Variants in PTPRG observed in about 807,000 individuals in gnomAD.
PTPRG encodes the protein receptor-type tyrosine-protein phosphatase gamma.
PTPRG carries 102 observed loss-of-function variants against 165.3 expected under a neutral mutation model. That is an observed-to-expected ratio of 0.62 (90% CI 0.53 to 0.73). The LOEUF (loss-of-function observed/expected upper bound fraction) is 0.73, where lower values mean the gene tolerates loss of function less well. PTPRG is among the 30% of genes least tolerant of loss of function. The pLI is 0.00. For missense variants in PTPRG, 1,866 were observed against 1,861.4 expected, an observed-to-expected ratio of 1.00 and a Z score of -0.05; for synonymous variants, 675 against 669.5, an observed-to-expected ratio of 1.01 and a Z score of -0.13.
chr3:62,067,458 G>A (rs1701055172), intron 4 of PTPRG, among the ~76,000 whole-genome samples: 1 of 152,068 alleles, frequency 6.6e-6, no homozygotes, highest in South Asian at 2.1e-4. Context: ...GTCCATGGTG[G>A]CGATGGTTTC....
intron 4 of PTPRG, among the ~76,000 whole-genome samples, chr3:62,067,124 G>A (rs867933693): frequency 5.3e-5 from 8 of 151,784 alleles, no homozygotes; most frequent in South Asian, 4.2e-4. Context: ...TCAAGGTTCA[G>A]TAGTGGTGTG....
chr3:62,032,019 C>T (rs1014167158), intron 4 of PTPRG, among the ~76,000 whole-genome samples: 2 of 152,146 alleles, frequency 1.3e-5, no homozygotes, highest in Non-Finnish European at 2.9e-5. Flanking sequence ...ATTTGAGAGG[C>T]ATTAATATGC....
intron 2 of PTPRG, among the ~76,000 whole-genome samples, chr3:61,927,780 C>CT (rs1188345873): frequency 6.6e-6 from 1 of 152,166 alleles, no homozygotes; most frequent in Non-Finnish European, 1.5e-5. Context: ...CATTTCTATG[C>CT]TTTATGAATA....
At chr3:62,069,558 A>G (rs1197121908) in intron 4 of PTPRG, among the ~76,000 whole-genome samples, 1 of 151,730 alleles carries the variant, frequency 6.6e-6, no homozygotes, top group East Asian at 2.0e-4. Flanking sequence ...ATACCTGTGT[A>G]TGTTTGCTTA....
intron 4 of PTPRG, among the ~76,000 whole-genome samples, chr3:62,012,032 A>G (rs1001793198): frequency 1.5e-4 from 23 of 152,274 alleles, no homozygotes; most frequent in African/African-American, 5.5e-4. Flanking sequence ...AACCATATAG[A>G]AGGCTTAGGG....
intron 4 of PTPRG, among the ~76,000 whole-genome samples, chr3:62,023,312 A>G (rs906268952): frequency 6.6e-6 from 1 of 152,196 alleles, no homozygotes; most frequent in Non-Finnish European, 1.5e-5. Flanking sequence ...CAAAGATAGA[A>G]TTAATCAAAA....
At chr3:61,809,553 G>T (rs931885691) in intron 2 of PTPRG, among the ~76,000 whole-genome samples, 1 of 152,088 alleles carries the variant, frequency 6.6e-6, no homozygotes, top group African/African-American at 2.4e-5. Flanking sequence ...TTACATTTGA[G>T]TTCTGATCCT....
intron 2 of PTPRG, among the ~76,000 whole-genome samples, chr3:61,884,120 A>G (rs13071020): frequency 7.6e-4 from 116 of 151,820 alleles, no homozygotes; most frequent in Non-Finnish European, 1.4e-3. Context: ...TTTCTTCTTG[A>G]CTCTGCTAAA....
intron 14 of PTPRG, among the ~76,000 whole-genome samples, chr3:62,232,532 G>A (rs1700926667): frequency 6.6e-6 from 1 of 152,172 alleles, no homozygotes; most frequent in Non-Finnish European, 1.5e-5. Flanking sequence ...TTATAAATAT[G>A]TTGTGTTTTT....
At chr3:61,678,070 A>G (rs940815792) in intron 1 of PTPRG, among the ~76,000 whole-genome samples, 2 of 152,214 alleles carry the variant, frequency 1.3e-5, no homozygotes, top group Non-Finnish European at 2.9e-5. Flanking sequence ...TTTTATCATC[A>G]TTAGACAAAC....
At chr3:61,571,878 G>C (rs924638352) in intron 1 of PTPRG, among the ~76,000 whole-genome samples, 2 of 152,200 alleles carry the variant, frequency 1.3e-5, no homozygotes, top group African/African-American at 4.8e-5. Flanking sequence ...TTTGGAACTA[G>C]CCATGGGAGC....
chr3:62,200,601 C>T (rs1700075041), intron 10 of PTPRG, among the ~76,000 whole-genome samples: 1 of 152,042 alleles, frequency 6.6e-6, no homozygotes, highest in Non-Finnish European at 1.5e-5. Context: ...TAAATTCTGT[C>T]ATGTATTTTA....
intron 8 of PTPRG, among the ~76,000 whole-genome samples, chr3:62,176,050 G>A (rs1403918910): frequency 6.6e-6 from 1 of 150,834 alleles, no homozygotes; most frequent in Non-Finnish European, 1.5e-5. Context: ...AGAGGACTCT[G>A]GAATAATCAC....
chr3:61,750,718 G>A (rs1443454247), intron 2 of PTPRG: 1 of 152,154 alleles, frequency 6.6e-6, no homozygotes, highest in African/African-American at 2.4e-5. Flanking sequence ...CAGACTGGCT[G>A]TGCTCTGATA....
At chr3:61,994,840 T>C (rs2040981671) in intron 3 of PTPRG, among the ~76,000 whole-genome samples, 1 of 152,198 alleles carries the variant, frequency 6.6e-6, no homozygotes, top group Non-Finnish European at 1.5e-5. Flanking sequence ...GCTCTGCTGC[T>C]CTGCTCAGAC....
intron 4 of PTPRG, among the ~76,000 whole-genome samples, chr3:62,076,379 G>A (rs1016370639): frequency 7.2e-5 from 11 of 152,158 alleles, no homozygotes; most frequent in Admixed American, 2.0e-4. Context: ...TATACACTAC[G>A]TTAACTTATT....
At chr3:62,171,902 T>A (rs1705231222) in intron 8 of PTPRG, among the ~76,000 whole-genome samples, 1 of 152,150 alleles carries the variant, frequency 6.6e-6, no homozygotes, top group Non-Finnish European at 1.5e-5. Flanking sequence ...TCCCTTCGTC[T>A]GCCCTGTATG....
At chr3:61,650,302 T>C (rs1559540266) in intron 1 of PTPRG, among the ~76,000 whole-genome samples, 1 of 152,136 alleles carries the variant, frequency 6.6e-6, no homozygotes, top group Non-Finnish European at 1.5e-5. Flanking sequence ...CAGCGAGGTA[T>C]TACAGAATCT....
At chr3:61,563,144 C>A (rs1319982942) in intron 1 of PTPRG, among the ~76,000 whole-genome samples, 1 of 15,804 alleles carries the variant, frequency 6.3e-5, no homozygotes, top group Non-Finnish European at 1.8e-4. Context: ...GGGGCGGGGG[C>A]GGTTTCGGCG....
Sources: gnomAD v4.1 joint callset for allele counts (sites outside exome capture counted in the v4.1 genomes callset) on GRCh38, gnomAD v4.1.1 for gene constraint, MANE v1.5 for transcripts, NCBI Gene and HGNC (gene_info 2026-07-23, HGNC 2026-07-21) for gene names.